PIBF1: variants seen among roughly 807,000 people sequenced by gnomAD.
PIBF1 encodes progesterone immunomodulatory binding factor 1, also known as progesterone-induced-blocking factor 1.
In PIBF1, 90 loss-of-function variants were observed where a neutral mutation model predicts 112.5. The observed-to-expected ratio is 0.80, with a 90% confidence interval of 0.67 to 0.95. The LOEUF is 0.95. Ranked by LOEUF, PIBF1 falls within the 40% of genes least tolerant of loss-of-function variation. The pLI is 0.00. For missense variants in PIBF1, 915 were observed against 852.3 expected, an observed-to-expected ratio of 1.07 and a Z score of -0.92; for synonymous variants, 301 against 288.6, an observed-to-expected ratio of 1.04 and a Z score of -0.44.
chr13:72,855,308 G>A (rs557834367), intron 10 of PIBF1, among the ~76,000 whole-genome samples: 2 of 152,154 alleles, frequency 1.3e-5, no homozygotes, highest in South Asian at 2.1e-4. Flanking sequence ...TATAAACTTG[G>A]CCTATGGAAG....
At chr13:72,901,600 A>C (rs2040486600) in intron 11 of PIBF1, among the ~76,000 whole-genome samples, 2 of 151,970 alleles carry the variant, frequency 1.3e-5, no homozygotes, top group African/African-American at 4.8e-5. Context: ...CAGGAGAATC[A>C]CTGGAACCCG....
intron 11 of PIBF1, among the ~76,000 whole-genome samples, chr13:72,900,407 A>C (rs1254837632): frequency 6.6e-6 from 1 of 152,220 alleles, no homozygotes; most frequent in African/African-American, 2.4e-5. Context: ...AAATAGGCAC[A>C]TAGACCAATG....
At chr13:72,800,538 G>A (rs1353124432) in intron 5 of PIBF1, among the ~76,000 whole-genome samples, 2 of 152,152 alleles carry the variant, frequency 1.3e-5, no homozygotes, top group Non-Finnish European at 2.9e-5. Context: ...TATCTTAACA[G>A]CTTCTCCGTC....
At chr13:72,840,686 G>A (rs887069819) in intron 9 of PIBF1, among the ~76,000 whole-genome samples, 8 of 151,960 alleles carry the variant, frequency 5.3e-5, no homozygotes, top group Admixed American at 2.6e-4. Context: ...ACCACGCCCG[G>A]CTAATTTTCA....
At chr13:72,816,115 C>T (rs1006280379) in intron 5 of PIBF1, among the ~76,000 whole-genome samples, 2 of 152,116 alleles carry the variant, frequency 1.3e-5, no homozygotes, top group African/African-American at 4.8e-5. Context: ...GTCTGCTAGA[C>T]CCATTAGCTA....
intron 6 of PIBF1, among the ~76,000 whole-genome samples, chr13:72,826,764 G>A (rs532054179): frequency 6.6e-6 from 1 of 152,088 alleles, no homozygotes; most frequent in Admixed American, 6.6e-5. Context: ...ATTATTTACT[G>A]TACTGGCTTA....
In PIBF1 at chr13:72,860,430, A is replaced by G. The variant is rs1001144771; in HGVS notation, c.1322+6275A>G. On this transcript the variant is annotated intron_variant, in intron 10 of 17. Transcript: ENST00000326291. ...ATGTTGCCTATGTGTTTAAACTCATATATTTTGGGAATATCGTATATATTT... is the reference window on the plus strand; with the variant it reads ...ATGTTGCCTATGTGTTTAAACTCATGTATTTTGGGAATATCGTATATATTT... 1.8e-4 allele frequency among the ~76,000 whole-genome samples: 27 copies of G among 151,944 alleles called. No homozygotes were observed. The South Asian group carries it at 3.3e-3, about 19-fold the overall frequency.
At chr13:72,914,792 G>A (rs1342429931) in intron 12 of PIBF1, among the ~76,000 whole-genome samples, 3 of 152,112 alleles carry the variant, frequency 2.0e-5, no homozygotes, top group African/African-American at 7.2e-5. Flanking sequence ...GTTGCCTAGA[G>A]TGATCTCAAA....
chr13:72,946,036 G>A (rs528523321), intron 14 of PIBF1, among the ~76,000 whole-genome samples: 1 of 152,194 alleles, frequency 6.6e-6, no homozygotes, highest in Non-Finnish European at 1.5e-5. Flanking sequence ...CTCTCCAACT[G>A]AGTGAGCTTC....
In PIBF1 at chr13:72,783,688, G is replaced by T; in HGVS notation, c.219G>T (p.Met73Ile). 1.9e-6 allele frequency: 3 copies of T among 1,613,908 alleles called. No homozygotes were observed. The highest frequency in any genetic ancestry group is 2.5e-6 in the Non-Finnish European group (3 of 1,179,856). The change falls in exon 2 of 18, where the codon ATG becomes ATT. Residue 73 changes from methionine (M) to isoleucine (I), a missense_variant. Met to Ile is a conservative substitution (Grantham distance 10). Coordinates refer to ENST00000326291, the MANE Select transcript of PIBF1 (RefSeq NM_006346.4). The part of the protein sequence containing the change: ...LKIELSQKTM[M>I]IDNLKVDYLT... ...TTGAGCTATCCCAGAAAACTATGAT[G>T]ATCGACAATTTGAAAGTGGATTATC...
intron 16 of PIBF1, among the ~76,000 whole-genome samples, chr13:72,992,589 T>C (rs1398809715): frequency 6.6e-6 from 1 of 152,070 alleles, no homozygotes. Flanking sequence ...AACTCACAAG[T>C]TTGAGACCAG....
At chr13:72,796,093 A>G (rs962395418) in intron 4 of PIBF1, among the ~76,000 whole-genome samples, 9 of 152,212 alleles carry the variant, frequency 5.9e-5, no homozygotes, top group Non-Finnish European at 1.2e-4. Flanking sequence ...GGCTGTATCT[A>G]TTAATATTTA....
At chr13:72,888,825 A>T (rs1027410620) in intron 10 of PIBF1, among the ~76,000 whole-genome samples, 18 of 146,612 alleles carry the variant, frequency 1.2e-4, no homozygotes, top group Middle Eastern at 3.6e-3. Context: ...ATACATGTTT[A>T]AAAAAAAACA....
intron 14 of PIBF1, among the ~76,000 whole-genome samples, chr13:72,944,979 T>C (rs978073389): frequency 6.6e-6 from 1 of 151,848 alleles, no homozygotes; most frequent in Non-Finnish European, 1.5e-5. Context: ...AGGTTTGGAG[T>C]TTAATTGCTA....
intron 5 of PIBF1, among the ~76,000 whole-genome samples, chr13:72,816,437 T>C (rs1021372124): frequency 6.6e-6 from 1 of 151,932 alleles, no homozygotes; most frequent in Non-Finnish European, 1.5e-5. Context: ...CTGAGGCGGG[T>C]GGATTCCTTG....
At chr13:72,801,590 A>G (rs1593917876) in intron 5 of PIBF1, among the ~76,000 whole-genome samples, 2 of 152,326 alleles carry the variant, frequency 1.3e-5, no homozygotes, top group African/African-American at 4.8e-5. Flanking sequence ...TAGCTGTAGT[A>G]CATACTTTAC....
intron 17 of PIBF1, among the ~76,000 whole-genome samples, chr13:73,001,645 G>A (rs558728251): frequency 5.0e-5 from 2 of 39,966 alleles, no homozygotes; most frequent in South Asian, 2.1e-3. Flanking sequence ...TTTTGGAGAT[G>A]GAGTCTCTCA....
At chr13:72,807,433 G>A (rs2035794816) in intron 5 of PIBF1, among the ~76,000 whole-genome samples, 1 of 152,080 alleles carries the variant, frequency 6.6e-6, no homozygotes. Flanking sequence ...AAATTAGTCA[G>A]GTGTGGTGGC....
At chr13:72,874,865 A>G (rs938027147) in intron 10 of PIBF1, among the ~76,000 whole-genome samples, 1 of 152,140 alleles carries the variant, frequency 6.6e-6, no homozygotes, top group Non-Finnish European at 1.5e-5. Flanking sequence ...AGCCTACCCC[A>G]TTATGAACAT....
Sources: allele counts gnomAD v4.1 joint callset (sites outside exome capture counted in the v4.1 genomes callset), GRCh38; gene constraint gnomAD v4.1.1; transcripts MANE v1.5; gene names NCBI Gene and HGNC (gene_info 2026-07-23, HGNC 2026-07-21).